The following GABBR2 variants were observed in gnomAD, a reference collection of about 807,000 sequenced individuals.
GABBR2 encodes G-protein coupled receptor 51.
Under a neutral mutation model 105.6 loss-of-function variants are expected in GABBR2, and 23 were observed. That is an observed-to-expected ratio of 0.22 (90% CI 0.16 to 0.31). The LOEUF is 0.31. Among genes scored for constraint, GABBR2 ranks in the 10% least tolerant of loss-of-function variants. GABBR2 has a pLI of 1.00. For synonymous variants in GABBR2, 478 were observed against 499.7 expected, an observed-to-expected ratio of 0.96 and a Z score of 0.58; for missense variants, 734 against 1,245.5, an observed-to-expected ratio of 0.59 and a Z score of 6.18.
intron 13 of GABBR2, among the ~76,000 whole-genome samples, chr9:98,348,364 T>C (rs1286048395): frequency 6.6e-6 from 1 of 152,250 alleles, no homozygotes; most frequent in Non-Finnish European, 1.5e-5. Flanking sequence ...AGTCAAGTAG[T>C]TGAATGCCTT....
chr9:98,353,004 T>C (rs1328503489), intron 13 of GABBR2, among the ~76,000 whole-genome samples: 1 of 152,042 alleles, frequency 6.6e-6, no homozygotes, highest in African/African-American at 2.4e-5. Context: ...GCTTGGGTTT[T>C]AGGGGGGTGA....
chr9:98,592,584 T>G (rs1829161865), intron 1 of GABBR2, among the ~76,000 whole-genome samples: 1 of 152,174 alleles, frequency 6.6e-6, no homozygotes, highest in African/African-American at 2.4e-5. Context: ...GCTATCATAC[T>G]CCAAACCTTA....
chr9:98,618,629 C>T (rs1303850852), intron 1 of GABBR2, among the ~76,000 whole-genome samples: 1 of 151,066 alleles, frequency 6.6e-6, no homozygotes, highest in Non-Finnish European at 1.5e-5. Flanking sequence ...TTTCTGTCTC[C>T]CTCTCTGTCT....
At position 98,647,508 on chromosome 9, in the gene GABBR2, A is replaced by G. The variant is rs549539774; in HGVS notation, c.321+60909T>C. 2.9e-4 allele frequency among the ~76,000 whole-genome samples: 44 copies of G among 152,286 alleles called. No individual in the cohort carries two copies. The South Asian group carries it at 9.1e-3, about 32-fold the overall frequency. On this transcript the variant is annotated intron_variant, in intron 1 of 18. Coordinates refer to ENST00000259455, the MANE Select transcript of GABBR2 (RefSeq NM_005458.8). ...GCTCTGGGATTCTGGCAAGTTCCAT[A>G]AGGCTCTGACTCTCCGCTTCTTTAT...
intron 1 of GABBR2, among the ~76,000 whole-genome samples, chr9:98,626,696 G>A (rs933835129): frequency 1.3e-5 from 2 of 152,138 alleles, no homozygotes; most frequent in Admixed American, 6.5e-5. Flanking sequence ...CTAGATGAGT[G>A]CTTGCTGTTA....
intron 5 of GABBR2, among the ~76,000 whole-genome samples, chr9:98,479,156 T>C (rs1271159587): frequency 6.6e-6 from 1 of 152,184 alleles, no homozygotes; most frequent in Non-Finnish European, 1.5e-5. Context: ...CTTGCTACTC[T>C]CCACTGATAA....
At chr9:98,398,505 C>T (rs113595436) in intron 8 of GABBR2, among the ~76,000 whole-genome samples, 8 of 152,234 alleles carry the variant, frequency 5.3e-5, no homozygotes, top group African/African-American at 1.9e-4. Flanking sequence ...TTCAATGATG[C>T]TGCAATTGCT....
chr9:98,639,746 A>G (rs1440865678), intron 1 of GABBR2, among the ~76,000 whole-genome samples: 2 of 151,596 alleles, frequency 1.3e-5, no homozygotes, highest in African/African-American at 4.9e-5. Context: ...CTGGCTTGCA[A>G]CTTGCAGTGT....
intron 13 of GABBR2, among the ~76,000 whole-genome samples, chr9:98,318,135 G>A (rs1830751118): frequency 6.6e-6 from 1 of 152,180 alleles, no homozygotes; most frequent in Non-Finnish European, 1.5e-5. Flanking sequence ...TAAGCGAGAG[G>A]ACAGCATGGC....
chr9:98,466,848 G>A (rs1168430393), intron 6 of GABBR2, among the ~76,000 whole-genome samples: 2 of 152,202 alleles, frequency 1.3e-5, no homozygotes, highest in Admixed American at 6.5e-5. Context: ...GGGAGGCTGA[G>A]TAATACAGCT....
chr9:98,513,935 C>T (rs545852817), intron 3 of GABBR2, among the ~76,000 whole-genome samples: 3 of 152,194 alleles, frequency 2.0e-5, no homozygotes, highest in Admixed American at 1.3e-4. Context: ...ATAAATCATG[C>T]TGCTATAAAG....
intron 13 of GABBR2, among the ~76,000 whole-genome samples, chr9:98,350,371 T>C (rs763262942): frequency 1.3e-5 from 2 of 152,274 alleles, no homozygotes; most frequent in African/African-American, 4.8e-5. Context: ...ATGTGAGTGT[T>C]AATTGCTATA....
intron 1 of GABBR2, among the ~76,000 whole-genome samples, chr9:98,596,107 T>C (rs182423631): frequency 6.6e-6 from 1 of 152,380 alleles, no homozygotes; most frequent in Admixed American, 6.5e-5. Context: ...GTCAAGGGTC[T>C]GGCTTGAGCC....
intron 2 of GABBR2, among the ~76,000 whole-genome samples, chr9:98,561,522 A>G (rs1279836845): frequency 6.6e-6 from 1 of 152,210 alleles, no homozygotes; most frequent in Non-Finnish European, 1.5e-5. Flanking sequence ...GGAGGAGAAG[A>G]AAGAGTCAAA....
rs1205106906 is a variant in GABBR2 at position 98,708,714 on chromosome 9, C to T, written c.24G>A (p.Gly8=). 4 of 995,670 alleles carry T rather than the reference C, an allele frequency of 4.0e-6. No individual in the cohort carries two copies. Among genetic ancestry groups the T allele is most frequent in the South Asian group, 9.0e-5 (2 of 22,172 alleles). 61.7% of individuals were successfully genotyped at this position (995,670 alleles called of 1,614,324 possible). A position where few individuals can be genotyped will look rare whatever the true frequency, so the allele number is the denominator to read the frequency against. MASPRSS[G]QPGPPPPPPP... ...GCGGCGGCGGCGGCGGCCCGGGCTG[C>T]CCGGAGCTCCGCGGGGAAGCCATGC... is the stretch of plus-strand genomic sequence containing the variant. Residue 8 remains glycine (G), a synonymous_variant, in exon 1 of 19, where the codon GGG becomes GGA. Transcript: ENST00000259455.
At chr9:98,401,103 C>A (rs1374245561) in intron 8 of GABBR2, among the ~76,000 whole-genome samples, 1 of 152,132 alleles carries the variant, frequency 6.6e-6, no homozygotes, top group Non-Finnish European at 1.5e-5. Flanking sequence ...TGTTATGACC[C>A]TTCTCTGTGC....
At chr9:98,310,861 C>A (rs557577743) in intron 14 of GABBR2, among the ~76,000 whole-genome samples, 20 of 152,314 alleles carry the variant, frequency 1.3e-4, no homozygotes, top group African/African-American at 4.8e-4. Context: ...AGCCAGATGA[C>A]CTTGGGCAAG....
intron 1 of GABBR2, among the ~76,000 whole-genome samples, chr9:98,685,952 G>T (rs937081060): frequency 6.6e-6 from 1 of 152,118 alleles, no homozygotes; most frequent in East Asian, 1.9e-4. Context: ...GCCTCACAAA[G>T]TATCGGGATT....
intron 7 of GABBR2, 125 bp downstream of exon 7, chr9:98,453,856 G>C (rs1826277627): frequency 1.3e-6 from 1 of 742,126 alleles, no homozygotes; most frequent in Non-Finnish European, 2.4e-6. Flanking sequence ...CCTAGGGCCT[G>C]CAATTAGTTA....
Sources: gnomAD v4.1 joint callset for allele counts (sites outside exome capture counted in the v4.1 genomes callset) on GRCh38, gnomAD v4.1.1 for gene constraint, MANE v1.5 for transcripts, NCBI Gene and HGNC (gene_info 2026-07-23, HGNC 2026-07-21) for gene names.